CERS2: variants seen among roughly 807,000 people sequenced by gnomAD.
CERS2 encodes ceramide synthase 2, also known as LAG1 homolog, ceramide synthase 2.
Under a neutral mutation model 56.6 loss-of-function variants are expected in CERS2, and 20 were observed. That is an observed-to-expected ratio of 0.35 (90% confidence interval 0.25 to 0.51). The LOEUF is 0.51. CERS2 is among the 20% of genes least tolerant of loss of function. The probability of loss-of-function intolerance (pLI) is 0.96; values close to 1 mark genes in which losing one functional copy is unlikely to be tolerated. For missense variants in CERS2, 361 were observed against 488.6 expected (o/e 0.74, Z 2.46); for synonymous variants, 187 against 175.4 (o/e 1.07, Z -0.52).
intron 1 of CERS2, chr1:150,969,367 A>T (rs2102770256): frequency 2.7e-6 from 1 of 368,528 alleles, no homozygotes; most frequent in East Asian, 5.3e-5. Flanking sequence ...CGAGGTCAGG[A>T]GTTCGAGACC....
chr1:150,966,259 T>C lies in CERS2; in HGVS notation c.1032A>G (p.Glu344=), dbSNP rs1671012061. The C allele has an allele frequency of 1.2e-6, 2 of 1,611,354 alleles. No homozygotes were observed. The highest frequency in any genetic ancestry group is 3.4e-5 in the Admixed American group (2 of 58,930). The change falls in exon 11 of 11, where the codon GAA becomes GAG. Residue 344 remains glutamate, a synonymous_variant. Transcript: ENST00000368954. ...CCTCCCCCTCTGAGCTCTCTGTTTCTTCCCGGTCACTGCGTTCATCTTCTA... is the reference window on the plus strand; with the variant it reads ...CCTCCCCCTCTGAGCTCTCTGTTTCCTCCCGGTCACTGCGTTCATCTTCTA... ...KLVEDERSDR[E]ETESSEGEEA...
chr1:150,968,051 T>C, intron 4 of CERS2, 32 bp downstream of exon 4: 2 of 1,589,406 alleles, frequency 1.3e-6, no homozygotes, highest in Non-Finnish European at 1.7e-6. Context: ...GGATATTCCT[T>C]GTCACCCAGC....
At chr1:150,974,092 T>A (rs973512073) in intron 1 of CERS2, 4 of 152,544 alleles carry the variant, frequency 2.6e-5, no homozygotes, top group African/African-American at 9.7e-5. Context: ...TGACCTCGCC[T>A]GCGAGGTGGG....
At chr1:150,974,445 C>G (rs1004191046) in intron 1 of CERS2, 174 bp downstream of exon 1, 1 of 149,292 alleles carries the variant, frequency 6.7e-6, no homozygotes, top group African/African-American at 2.4e-5. Flanking sequence ...CCGCCATGAG[C>G]GCCCGCAGCG....
chr1:150,967,309 G>T, intron 7 of CERS2, 83 bp downstream of exon 7: 2 of 1,429,004 alleles, frequency 1.4e-6, no homozygotes, highest in Non-Finnish European at 2.0e-6. Context: ...TCCATTCAGA[G>T]TACCCAGAAG....
At chr1:150,969,121 A>G (rs1361789123) in intron 1 of CERS2, 30 bp from the exon 2 acceptor site, 12 of 1,600,654 alleles carry the variant, frequency 7.5e-6, no homozygotes, top group Non-Finnish European at 9.4e-6. Flanking sequence ...GAGGGCATCA[A>G]GAGGGAGTAG....
chr1:150,972,090 A>G (rs1346548660), intron 1 of CERS2, among the ~76,000 whole-genome samples: 1 of 152,166 alleles, frequency 6.6e-6, no homozygotes, highest in Non-Finnish European at 1.5e-5. Context: ...CAGGCAAAGT[A>G]GGCACTAGAG....
At chr1:150,970,928 C>A (rs1558033944) in intron 1 of CERS2, among the ~76,000 whole-genome samples, 1 of 152,192 alleles carries the variant, frequency 6.6e-6, no homozygotes, top group Non-Finnish European at 1.5e-5. Flanking sequence ...CCTCCCCCAA[C>A]TGAAAGACGA....
At chr1:150,971,970 G>A (rs1207050436) in intron 1 of CERS2, 7 of 465,770 alleles carry the variant, frequency 1.5e-5, no homozygotes, top group African/African-American at 1.0e-4. Flanking sequence ...AACTGGCAGG[G>A]ATGTTTCTCT....
chr1:150,968,197 T>C lies in CERS2; in HGVS notation c.296A>G (p.Glu99Gly), dbSNP rs1226624664. The C allele has an allele frequency of 6.2e-7, 1 of 1,609,174 alleles. No homozygotes were observed. Among genetic ancestry groups the C allele is most frequent in the Non-Finnish European group, 8.5e-7 (1 of 1,179,892 alleles). The change falls in exon 4 of 11, where the codon GAA (glutamate) becomes GGA (glycine). Residue 99 changes from glutamate to glycine, a missense_variant. By Grantham distance (98) the Glu-to-Gly change is moderately conservative. Coordinates refer to ENST00000368954, the MANE Select transcript of CERS2 (RefSeq NM_022075.5). ...LTSGKQPKQV[E>G]VELLSRQSGL... Reference sequence around the variant, plus strand: ...GCTCTGCCGGGACAAAAGCTCTACTTCCACCTGGGCACAGTGAAGAAGCCC... The same window carrying C: ...GCTCTGCCGGGACAAAAGCTCTACTCCCACCTGGGCACAGTGAAGAAGCCC...
intron 4 of CERS2, 40 bp downstream of exon 4, chr1:150,968,043 A>G: frequency 6.4e-7 from 1 of 1,572,054 alleles, no homozygotes; most frequent in South Asian, 1.1e-5. Context: ...ACACATCAGG[A>G]TATTCCTTGT....
At chr1:150,966,981 T>A in intron 8 of CERS2, 93 bp downstream of exon 8, 1 of 1,513,162 alleles carries the variant, frequency 6.6e-7, no homozygotes, top group Non-Finnish European at 9.2e-7. Context: ...AGGAATGTCA[T>A]CCTCCAAATT....
At chr1:150,966,717 T>C in intron 9 of CERS2, 39 bp downstream of exon 9, 1 of 1,603,576 alleles carries the variant, frequency 6.2e-7, no homozygotes. Flanking sequence ...AGGCTCCTGA[T>C]TTCTTCAGAA....
chr1:150,967,700 A>G lies in CERS2; in HGVS notation c.483T>C (p.Tyr161=), dbSNP rs751879336. The G allele has an allele frequency of 6.2e-7, 1 of 1,614,100 alleles. No homozygotes were observed. The highest frequency in any genetic ancestry group is 1.1e-5 in the South Asian group (1 of 91,082). Residue 161 remains tyrosine, a synonymous_variant, in exon 6 of 11, where the codon TAT becomes TAC. Transcript: ENST00000368954. ...MAVIVDKPWF[Y]DMKKVWEGYP... is the part of the protein sequence containing the mutation. ...ATCCCTCCCAAACTTTCTTCATGTC[A>G]TAGAACCAGGGTTTCTGCAGAGAGA...
intron 2 of CERS2, 48 bp downstream of exon 2, chr1:150,968,870 C>A: frequency 6.4e-7 from 1 of 1,565,170 alleles, no homozygotes; most frequent in East Asian, 2.2e-5. Flanking sequence ...GTCCAAGAAA[C>A]TGCAACTGGC....
At chr1:150,974,435 C>T (rs905385603) in intron 1 of CERS2, 184 bp downstream of exon 1, 131 of 149,042 alleles carry the variant, frequency 8.8e-4, no homozygotes, top group African/African-American at 3.0e-3. Context: ...CCGGCGGCCG[C>T]CGCCATGAGC....
At chr1:150,967,038 C>G (rs766165219) in intron 8 of CERS2, 36 bp downstream of exon 8, 5 of 1,611,954 alleles carry the variant, frequency 3.1e-6, no homozygotes, top group Middle Eastern at 1.7e-4. Flanking sequence ...GACAGAAGAA[C>G]CTGCACCAGG....
chr1:150,969,670 T>C (rs1206158909), intron 1 of CERS2, among the ~76,000 whole-genome samples: 3 of 150,656 alleles, frequency 2.0e-5, no homozygotes, highest in African/African-American at 7.3e-5. Context: ...TTTCGGGGAG[T>C]GGGGGAAGAA....
In CERS2 at chr1:150,968,575, G is replaced by A. The variant is rs587680166; in HGVS notation, c.174-63C>T. The A allele has an allele frequency of 3.3e-5, 43 of 1,320,782 alleles. No individual in the cohort carries two copies. The South Asian group carries it at 5.0e-4, about 15-fold the overall frequency. 81.8% of individuals were successfully genotyped at this position (1,320,782 alleles called of 1,614,324 possible). A position where few individuals can be genotyped will look rare whatever the true frequency, so the allele number is the denominator to read the frequency against. On this transcript the variant is annotated intron_variant, in intron 2 of 10. Coordinates refer to ENST00000368954, the MANE Select transcript of CERS2 (RefSeq NM_022075.5). The stretch of plus-strand genomic sequence containing the variant: ...GGAAGGGAAAGGGCTGCAAGCTAAG[G>A]CAACTTTACCCTGGCCTCAGTTTCC...
Sources: allele counts gnomAD v4.1 joint callset (sites outside exome capture counted in the v4.1 genomes callset), GRCh38; gene constraint gnomAD v4.1.1; transcripts MANE v1.5; gene names NCBI Gene and HGNC (gene_info 2026-07-23, HGNC 2026-07-21).